The following RBFOX1 variants were observed in gnomAD, a reference collection of about 807,000 sequenced individuals.
The protein encoded by RBFOX1 is RNA binding fox-1 homolog 1, also known as RNA binding protein fox-1 homolog 1.
In RBFOX1, 8 loss-of-function variants were observed where a neutral mutation model predicts 57.7. That is an observed-to-expected ratio of 0.14 (90% CI 0.08 to 0.25). The LOEUF is 0.25. Among genes scored for constraint, RBFOX1 ranks in the 10% least tolerant of loss-of-function variants. RBFOX1 has a pLI of 1.00. For synonymous variants in RBFOX1, 326 were observed against 222.4 expected, an observed-to-expected ratio of 1.47 and a Z score of -4.15; for missense variants, 611 against 548.5, an observed-to-expected ratio of 1.11 and a Z score of -1.14.
intron 2 of RBFOX1, among the ~76,000 whole-genome samples, chr16:6,534,423 C>G (rs530731875): frequency 6.6e-6 from 1 of 152,070 alleles, no homozygotes. Context: ...GTCTTTCACC[C>G]GCTAAGATGC....
At chr16:6,917,299 G>A (rs913875620) in intron 3 of RBFOX1, among the ~76,000 whole-genome samples, 1 of 152,174 alleles carries the variant, frequency 6.6e-6, no homozygotes, top group Non-Finnish European at 1.5e-5. Context: ...ACCAAACACT[G>A]AACAGAGGAT....
chr16:7,566,409 C>T (rs1390126781), intron 5 of RBFOX1, among the ~76,000 whole-genome samples: 1 of 152,150 alleles, frequency 6.6e-6, no homozygotes, highest in Admixed American at 6.5e-5. Context: ...CTCTACGTGC[C>T]TGCTCTTAGA....
chr16:7,329,489 C>T (rs1470329085), intron 4 of RBFOX1, among the ~76,000 whole-genome samples: 1 of 152,180 alleles, frequency 6.6e-6, no homozygotes, highest in Non-Finnish European at 1.5e-5. Flanking sequence ...CACAGCTCAG[C>T]AATACTAGGT....
intron 3 of RBFOX1, among the ~76,000 whole-genome samples, chr16:6,880,579 G>C (rs901259233): frequency 3.1e-4 from 47 of 152,140 alleles, no homozygotes; most frequent in African/African-American, 1.1e-3. Context: ...GCCAGAATCT[G>C]TTTTTCTTTC....
intron 2 of RBFOX1, among the ~76,000 whole-genome samples, chr16:6,467,739 C>T (rs1373699567): frequency 1.3e-5 from 2 of 152,166 alleles, no homozygotes; most frequent in African/African-American, 4.8e-5. Flanking sequence ...TCTGGAGCCC[C>T]TAAGGGTAAG....
At chr16:7,223,709 T>C (rs1235796135) in intron 4 of RBFOX1, among the ~76,000 whole-genome samples, 113 of 103,214 alleles carry the variant, frequency 1.1e-3, no homozygotes, top group Non-Finnish European at 1.9e-3. Context: ...CGTCAGTGTT[T>C]CAGAAAAAAA....
chr16:7,331,626 A>T (rs77077418), intron 4 of RBFOX1, among the ~76,000 whole-genome samples: 860 of 152,274 alleles, frequency 5.6e-3, no homozygotes, highest in Non-Finnish European at 8.5e-3. Flanking sequence ...TGCACACATC[A>T]TGTTATGGTT....
chr16:6,550,342 A>T (rs2096967277), intron 2 of RBFOX1, among the ~76,000 whole-genome samples: 1 of 151,988 alleles, frequency 6.6e-6, no homozygotes, highest in Non-Finnish European at 1.5e-5. Flanking sequence ...AGGCCCAGCT[A>T]ATTTTTATAT....
At chr16:7,111,077 A>G (rs1215031218) in intron 4 of RBFOX1, among the ~76,000 whole-genome samples, 1 of 152,204 alleles carries the variant, frequency 6.6e-6, no homozygotes, top group Admixed American at 6.5e-5. Context: ...TGAAAAGCCA[A>G]ATAACTGTGG....
chr16:7,481,010 G>A (rs935604280), intron 4 of RBFOX1, among the ~76,000 whole-genome samples: 1 of 152,158 alleles, frequency 6.6e-6, no homozygotes, highest in African/African-American at 2.4e-5. Flanking sequence ...ATATCCAAGT[G>A]ATATGGCCAA....
At chr16:6,625,056 T>C (rs191352613) in intron 2 of RBFOX1, among the ~76,000 whole-genome samples, 11 of 150,126 alleles carry the variant, frequency 7.3e-5, no homozygotes, top group African/African-American at 2.2e-4. Flanking sequence ...TCCCAGCTGT[T>C]TGGGAGGCTG....
At chr16:5,263,072 CGGT>C (rs758756491) in intron 1 of RBFOX1, among the ~76,000 whole-genome samples, 37 of 143,132 alleles carry the variant, frequency 2.6e-4, no homozygotes, top group South Asian at 7.6e-4. Flanking sequence ...GGCAGGGTGA[CGGT>C]GGTGGTGGTG....
At chr16:6,252,720 A>T (rs1410275359) in intron 1 of RBFOX1, among the ~76,000 whole-genome samples, 1 of 152,222 alleles carries the variant, frequency 6.6e-6, no homozygotes, top group Admixed American at 6.5e-5. Flanking sequence ...ACAGATATTC[A>T]AACAAGATAA....
At chr16:6,989,904 G>T (rs1039986340) in intron 3 of RBFOX1, among the ~76,000 whole-genome samples, 1 of 152,258 alleles carries the variant, frequency 6.6e-6, no homozygotes, top group Non-Finnish European at 1.5e-5. Flanking sequence ...GGGAGTCTGA[G>T]ACGGGAGAAT....
intron 3 of RBFOX1, among the ~76,000 whole-genome samples, chr16:6,836,597 T>A (rs1437045362): frequency 6.6e-6 from 1 of 152,180 alleles, no homozygotes; most frequent in Non-Finnish European, 1.5e-5. Flanking sequence ...TTTCAAGACT[T>A]GGCTCAAGGG....
intron 3 of RBFOX1, among the ~76,000 whole-genome samples, chr16:6,661,392 A>G (rs1321336880): frequency 2.6e-5 from 4 of 152,178 alleles, no homozygotes; most frequent in Non-Finnish European, 5.9e-5. Flanking sequence ...ATGCAAGTCC[A>G]GTGTGTGTGT....
At chr16:5,587,542 G>A (rs145177859) in intron 2 of RBFOX1, among the ~76,000 whole-genome samples, 1,753 of 152,184 alleles carry the variant, frequency 0.012, 16 homozygotes, top group South Asian at 0.033. Flanking sequence ...GTGAAACCCC[G>A]TCTCTACTAA....
chr16:7,417,372 CAAAGAAAA>C (rs1191215125), intron 4 of RBFOX1, among the ~76,000 whole-genome samples: 4 of 122,666 alleles, frequency 3.3e-5, no homozygotes, highest in Non-Finnish European at 4.9e-5. Flanking sequence ...GACTCTGTGT[CAAAGAAAA>C]AAAAAAAAAA....
At chr16:6,679,493 C>T (rs972085426) in intron 3 of RBFOX1, among the ~76,000 whole-genome samples, 1 of 152,082 alleles carries the variant, frequency 6.6e-6, no homozygotes, top group Non-Finnish European at 1.5e-5. Flanking sequence ...ACAAATGATG[C>T]TTCATGGTCG....
Sources: gnomAD v4.1 joint callset for allele counts (sites outside exome capture counted in the v4.1 genomes callset) on GRCh38, gnomAD v4.1.1 for gene constraint, MANE v1.5 for transcripts, NCBI Gene and HGNC (gene_info 2026-07-23, HGNC 2026-07-21) for gene names.